Variants in CYB5R4 observed in about 807,000 individuals in gnomAD.
CYB5R4 encodes cytochrome b5 reductase 4.
A neutral mutation model predicts 70.2 loss-of-function variants in CYB5R4; 55 were observed. That is an observed-to-expected ratio of 0.78 (90% CI 0.63 to 0.98). The LOEUF (loss-of-function observed/expected upper bound fraction) is 0.98, where lower values mean the gene tolerates loss of function less well. Among genes scored for constraint, CYB5R4 ranks in the 50% least tolerant of loss-of-function variants. The pLI is 0.00. For missense variants in CYB5R4, 562 were observed against 612.6 expected, an observed-to-expected ratio of 0.92 and a Z score of 0.87; for synonymous variants, 197 against 199.5, an observed-to-expected ratio of 0.99 and a Z score of 0.11.
At position 83,938,806 on chromosome 6, in the gene CYB5R4, A is replaced by G. The variant is rs542461916; in HGVS notation, c.1109-1250A>G. 1.3e-3 allele frequency among the ~76,000 whole-genome samples: 201 copies of G among 152,184 alleles called. 2 individuals carry two copies. The highest frequency in any genetic ancestry group is 4.3e-3 in the African/African-American group (179 of 41,530). On this transcript the variant is annotated intron_variant, in intron 12 of 15. Coordinates refer to ENST00000369681, the MANE Select transcript of CYB5R4 (RefSeq NM_016230.4). The stretch of plus-strand genomic sequence containing the variant: ...CACTCTAATCTTATGGTCTTTTTCA[A>G]ACTATAATGAGGAGCTTCTATTATT...
chr6:83,861,228 G>A (rs1004958513), intron 1 of CYB5R4, among the ~76,000 whole-genome samples: 1 of 152,178 alleles, frequency 6.6e-6, no homozygotes, highest in Non-Finnish European at 1.5e-5. Flanking sequence ...GGGGGCGATG[G>A]CAAAGGTGAG....
intron 2 of CYB5R4, among the ~76,000 whole-genome samples, chr6:83,884,721 G>A (rs188838897): frequency 2.8e-4 from 43 of 152,202 alleles, no homozygotes; most frequent in East Asian, 5.8e-4. Flanking sequence ...TAATTTTATC[G>A]TGTGAACACA....
chr6:83,863,789 AT>A (rs981777410), intron 1 of CYB5R4, among the ~76,000 whole-genome samples: 4 of 152,236 alleles, frequency 2.6e-5, no homozygotes, highest in African/African-American at 9.6e-5. Flanking sequence ...TTTACATAGC[AT>A]TTACATTGCT....
chr6:83,916,068 T>C (rs185343770), intron 5 of CYB5R4, among the ~76,000 whole-genome samples: 1 of 152,310 alleles, frequency 6.6e-6, no homozygotes, highest in African/African-American at 2.4e-5. Flanking sequence ...TAGTTTTAAA[T>C]TAAGATATAT....
At chr6:83,898,613 A>G (rs543687179) in intron 3 of CYB5R4, among the ~76,000 whole-genome samples, 13 of 152,316 alleles carry the variant, frequency 8.5e-5, no homozygotes, top group Admixed American at 5.2e-4. Context: ...ATGTTCTTCC[A>G]TTTGTTTGTA....
chr6:83,938,156 C>T (rs1055394727), intron 12 of CYB5R4, among the ~76,000 whole-genome samples: 56 of 152,102 alleles, frequency 3.7e-4, no homozygotes, highest in African/African-American at 1.3e-3. Flanking sequence ...GAATTTGAAC[C>T]TGAAGTATTT....
Position 83,894,522 on chromosome 6 carries a change from A to G in CYB5R4, c.330+900A>G, listed in dbSNP as rs147951614. ...GCCAGAAATAGAATTTGTTTTATAT[A>G]GTTGACCTTTGAACAATACAGGGAT... is the stretch of plus-strand genomic sequence containing the variant. On this transcript the variant is annotated intron_variant, in intron 3 of 15. Transcript: ENST00000369681. Among the ~76,000 whole-genome samples, 626 of 152,268 alleles carry G rather than the reference A, an allele frequency of 4.1e-3. 5 individuals carry two copies. The highest frequency in any genetic ancestry group is 6.7e-3 in the Non-Finnish European group (453 of 68,022).
chr6:83,862,618 A>G (rs2099456139), intron 1 of CYB5R4, among the ~76,000 whole-genome samples: 1 of 152,240 alleles, frequency 6.6e-6, no homozygotes, highest in African/African-American at 2.4e-5. Flanking sequence ...TGGAGCTAGT[A>G]CAGTCAACTG....
chr6:83,914,565 T>TA, intron 5 of CYB5R4, 117 bp downstream of exon 5: 1 of 894,362 alleles, frequency 1.1e-6, no homozygotes. Flanking sequence ...TGAGATGGAG[T>TA]ATTGCTTTGT....
At position 83,864,339 on chromosome 6, in the gene CYB5R4, T is replaced by A. The variant is rs1311612487; in HGVS notation, c.229+11T>A. On this transcript the variant is annotated intron_variant, in intron 2 of 15. Coordinates refer to ENST00000369681, the MANE Select transcript of CYB5R4 (RefSeq NM_016230.4). ...GGATATGCATAAGAGGTAGGTGGTA[T>A]TTATTAAGTCCTTCAAAAAATGTTG... The A allele has an allele frequency of 1.2e-6, 2 of 1,603,006 alleles. No homozygotes were observed. Among genetic ancestry groups the A allele is most frequent in the Middle Eastern group, 1.7e-4 (1 of 5,862 alleles).
chr6:83,875,513 C>T (rs894207792), intron 2 of CYB5R4, among the ~76,000 whole-genome samples: 26 of 152,174 alleles, frequency 1.7e-4, no homozygotes, highest in Admixed American at 4.6e-4. Flanking sequence ...AAAGTGTTCC[C>T]GATCCAGACC....
chr6:83,906,775 T>G (rs1028059805), intron 3 of CYB5R4, among the ~76,000 whole-genome samples: 41 of 152,324 alleles, frequency 2.7e-4, no homozygotes, highest in African/African-American at 8.9e-4. Flanking sequence ...TCAACTATCT[T>G]CTTTCTATAC....
chr6:83,951,620 T>C (rs565419109), intron 14 of CYB5R4, among the ~76,000 whole-genome samples: 1 of 150,602 alleles, frequency 6.6e-6, no homozygotes, highest in Non-Finnish European at 1.5e-5. Flanking sequence ...GAACTCATCC[T>C]TTTTTATGGC....
chr6:83,884,370 A>C (rs554408855), intron 2 of CYB5R4, among the ~76,000 whole-genome samples: 1 of 152,058 alleles, frequency 6.6e-6, no homozygotes, highest in Non-Finnish European at 1.5e-5. Flanking sequence ...AGTAAATTTT[A>C]TTATTGGTTG....
rs2129143096 is a variant in CYB5R4, at chr6:83,940,121, G to C, written c.1174G>C (p.Asp392His). Residue 392 changes from aspartate to histidine, a missense_variant, in exon 13 of 16, where the codon GAT becomes CAT. Transcript: ENST00000369681. ...FKISKFQELE[D>H]LFLLAAGTGF... Reference sequence around the variant, plus strand: ...AATATCCAAGTTCCAAGAATTAGAAGATCTCTTTTTGTTGGCAGCTGGAAC... The same window carrying C: ...AATATCCAAGTTCCAAGAATTAGAACATCTCTTTTTGTTGGCAGCTGGAAC... 1.2e-6 allele frequency: 2 copies of C among 1,612,278 alleles called. No homozygotes were observed. Among genetic ancestry groups the C allele is most frequent in the South Asian group, 1.1e-5 (1 of 90,948 alleles).
intron 1 of CYB5R4, among the ~76,000 whole-genome samples, chr6:83,862,830 C>A (rs562172653): frequency 1.3e-5 from 2 of 152,242 alleles, no homozygotes; most frequent in Admixed American, 6.5e-5. Context: ...TCTCACACTT[C>A]ATTTATTGGG....
intron 10 of CYB5R4, among the ~76,000 whole-genome samples, chr6:83,926,030 C>T (rs1183783736): frequency 6.6e-6 from 1 of 152,152 alleles, no homozygotes; most frequent in Non-Finnish European, 1.5e-5. Flanking sequence ...CACTGTATAA[C>T]TTCTGTGTCC....
chr6:83,940,230 C>T (rs774441796), intron 13 of CYB5R4, 24 bp downstream of exon 13: 20 of 1,579,442 alleles, frequency 1.3e-5, no homozygotes, highest in South Asian at 5.8e-5. Context: ...TCTCTAATTA[C>T]GATCCTTTTT....
intron 10 of CYB5R4, among the ~76,000 whole-genome samples, chr6:83,933,436 A>G (rs1245147401): frequency 6.6e-6 from 1 of 152,228 alleles, no homozygotes; most frequent in African/African-American, 2.4e-5. Flanking sequence ...TCAGTTTTCT[A>G]CTAAGCATTG....
Sources: gnomAD v4.1 joint callset for allele counts (sites outside exome capture counted in the v4.1 genomes callset) on GRCh38, gnomAD v4.1.1 for gene constraint, MANE v1.5 for transcripts, NCBI Gene and HGNC (gene_info 2026-07-23, HGNC 2026-07-21) for gene names.